VIPR2: variants seen among roughly 807,000 people sequenced by gnomAD.
VIPR2 encodes the protein vasoactive intestinal peptide receptor 2.
A neutral mutation model predicts 58.0 loss-of-function variants in VIPR2; 48 were observed. The observed-to-expected ratio is 0.83, with a 90% CI of 0.66 to 1.05. The LOEUF is 1.05. VIPR2 is among the 50% of genes least tolerant of loss of function. The pLI is 0.00. For synonymous variants in VIPR2, 243 were observed against 235.2 expected, an observed-to-expected ratio of 1.03 and a Z score of -0.30; for missense variants, 534 against 558.0, an observed-to-expected ratio of 0.96 and a Z score of 0.43.
At chr7:159,059,899 A>AC (rs1585384773) in intron 4 of VIPR2, among the ~76,000 whole-genome samples, 1 of 149,252 alleles carries the variant, frequency 6.7e-6, no homozygotes, top group East Asian at 2.0e-4. Flanking sequence ...ACCTCATCTA[A>AC]CCTCCATTCT....
intron 10 of VIPR2, 138 bp downstream of exon 10, chr7:159,034,074 GC>G: frequency 1.3e-6 from 1 of 762,390 alleles, no homozygotes; most frequent in Admixed American, 2.5e-5. Context: ...CAGGAGCAGA[GC>G]CCTGGGGCCC....
At position 159,096,712 on chromosome 7, in the gene VIPR2, C is replaced by T; in HGVS notation, c.357+7045G>A. 7.4e-7 allele frequency: 1 copy of T among 1,349,866 alleles called. No homozygotes were observed. The highest frequency in any genetic ancestry group is 3.0e-5 in the Admixed American group (1 of 33,740). The allele number at this position is 1,349,866 out of a possible 1,614,324, so 83.6% of individuals were successfully genotyped here. A position where few individuals can be genotyped will look rare whatever the true frequency, so the allele number is the denominator to read the frequency against. ...TAAACAGCAGAAAAGTGCTCATAAT[C>T]CTGTCTGGTTGTGCCAGGTGACAGC... On this transcript the variant is annotated intron_variant, in intron 4 of 12. Transcript: ENST00000262178. This position sits in a 1 kb window ranked among gnomAD's most constrained non-coding sequence, Gnocchi z 5.5.
At chr7:159,035,845 A>G in intron 8 of VIPR2, 107 bp downstream of exon 8, 1 of 1,479,206 alleles carries the variant, frequency 6.8e-7, no homozygotes, top group East Asian at 2.5e-5. Context: ...TTGGCCGCAA[A>G]CGCTCCCTGT....
Position 159,096,060 on chromosome 7 carries a change from C to T in VIPR2, c.357+7697G>A, listed in dbSNP as rs1316279829. On this transcript the variant is annotated intron_variant, in intron 4 of 12. Coordinates refer to ENST00000262178, the MANE Select transcript of VIPR2 (RefSeq NM_003382.5). The surrounding 1 kb of genome is among the most constrained non-coding windows in gnomAD (Gnocchi z 5.5). ...CCCCTGCCCCACCCACCTGTGGAGC[C>T]CAAGAGCCAGCTGCTGGGTGCCCAA... 6.6e-6 allele frequency among the ~76,000 whole-genome samples: 1 copy of T among 152,086 alleles called. No homozygotes were observed. The highest frequency in any genetic ancestry group is 1.5e-5 in the Non-Finnish European group (1 of 68,018).
rs553507348 is a variant in VIPR2 at position 159,096,388 on chromosome 7, C to T, written c.357+7369G>A. 6.6e-6 allele frequency among the ~76,000 whole-genome samples: 1 copy of T among 152,360 alleles called. No homozygotes were observed. The highest frequency in any genetic ancestry group is 6.5e-5 in the Admixed American group (1 of 15,308). ...AAGCGCCTGGCGCACCGCTGTGTTT[C>T]CTACAGGTCCGCTGCCCTGTGCTGC... On this transcript the variant is annotated intron_variant, in intron 4 of 12. Coordinates refer to ENST00000262178, the MANE Select transcript of VIPR2 (RefSeq NM_003382.5). The surrounding 1 kb of genome is among the most constrained non-coding windows in gnomAD (Gnocchi z 5.5).
At chr7:159,069,827 C>T (rs1856288798) in intron 4 of VIPR2, among the ~76,000 whole-genome samples, 1 of 152,170 alleles carries the variant, frequency 6.6e-6, no homozygotes, top group African/African-American at 2.4e-5. Flanking sequence ...TTTTAAAAAA[C>T]ATTTTAAATG....
rs188120758 is a variant in VIPR2, at chr7:159,037,700, A to G, written c.598-798T>C. On this transcript the variant is annotated intron_variant, in intron 6 of 12. Transcript: ENST00000262178. ...CTGGGAAAGAATTGCATTATTATAT[A>G]AAATCCATCTATTTTAATCTCTCAG... 1.1e-3 allele frequency among the ~76,000 whole-genome samples: 164 copies of G among 152,332 alleles called. 1 individual carries two copies. The highest frequency in any genetic ancestry group is 3.8e-3 in the African/African-American group (159 of 41,566).
intron 2 of VIPR2, among the ~76,000 whole-genome samples, chr7:159,114,656 T>A (rs1796167323): frequency 6.6e-6 from 1 of 152,034 alleles, no homozygotes; most frequent in Non-Finnish European, 1.5e-5. Flanking sequence ...ATAGCAAGCA[T>A]TAAGCCAGGC....
At chr7:159,109,212 C>T (rs1795891980) in intron 3 of VIPR2, among the ~76,000 whole-genome samples, 1 of 152,194 alleles carries the variant, frequency 6.6e-6, no homozygotes, top group Non-Finnish European at 1.5e-5. Context: ...CAAAAACAAA[C>T]AAAACCTTTC....
At chr7:159,067,709 T>G (rs73730128) in intron 4 of VIPR2, among the ~76,000 whole-genome samples, 1 of 151,976 alleles carries the variant, frequency 6.6e-6, no homozygotes, top group African/African-American at 2.4e-5. Context: ...TTCCAGGGAG[T>G]GGCTCGGTCA....
At chr7:159,122,633 C>T (rs1418387185) in intron 2 of VIPR2, among the ~76,000 whole-genome samples, 1 of 152,182 alleles carries the variant, frequency 6.6e-6, no homozygotes, top group East Asian at 1.9e-4. Flanking sequence ...GCAGGGCACA[C>T]CTGTGAGTCT....
rs372811065 is a variant in VIPR2, at chr7:159,132,855, T to C, written c.151+9591A>G. ...TGAGACAGAATGATTGGCATACCGA[T>C]TGATTTTAGACAGAATGATTGGCAT... On this transcript the variant is annotated intron_variant, in intron 2 of 12. Coordinates refer to ENST00000262178, the MANE Select transcript of VIPR2 (RefSeq NM_003382.5). Among the ~76,000 whole-genome samples the C allele has an allele frequency of 7.6e-4, 89 of 117,800 alleles. 2 individuals carry two copies. The highest frequency in any genetic ancestry group is 2.2e-3 in the African/African-American group (66 of 30,630). The allele number at this position is 117,800 out of a possible 152,430, so 77.3% of individuals were successfully genotyped here.
chr7:159,057,318 T>A (rs1363443508), intron 5 of VIPR2, among the ~76,000 whole-genome samples: 1 of 152,182 alleles, frequency 6.6e-6, no homozygotes, highest in Non-Finnish European at 1.5e-5. Flanking sequence ...TTGTACCAGA[T>A]TTTAAAAATA....
At chr7:159,119,884 T>TCGGAAGAAA in intron 2 of VIPR2, among the ~76,000 whole-genome samples, 1 of 148,150 alleles carries the variant, frequency 6.7e-6, no homozygotes, top group Non-Finnish European at 1.5e-5. Context: ...GTAGGTGGGG[T>TCGGAAGAAA]TGGAAGAAAC....
chr7:159,044,352 A>G (rs1465433373), intron 5 of VIPR2, among the ~76,000 whole-genome samples: 1 of 152,188 alleles, frequency 6.6e-6, no homozygotes. Context: ...CAAATCCTAG[A>G]AGTGGGAGAC....
At chr7:159,134,529 C>A (rs1797114748) in intron 2 of VIPR2, among the ~76,000 whole-genome samples, 1 of 152,018 alleles carries the variant, frequency 6.6e-6, no homozygotes, top group Admixed American at 6.6e-5. Context: ...TGTAGAAAGT[C>A]TGACAAAAGA....
chr7:159,030,551 C>A lies in VIPR2; in HGVS notation c.*65G>T, dbSNP rs191985337. 6.9e-4 allele frequency: 1,012 copies of A among 1,457,406 alleles called. 3 individuals are homozygous for A. The highest frequency in any genetic ancestry group is 5.6e-3 in the African/African-American group (387 of 69,538). 90.3% of individuals were successfully genotyped at this position (1,457,406 alleles called of 1,614,324 possible). A position where few individuals can be genotyped will look rare whatever the true frequency, so the allele number is the denominator to read the frequency against. The stretch of plus-strand genomic sequence containing the variant: ...CGGGCATCTGGAAGGAGGAAGCCGG[C>A]GTCTCAGCCCCGCAGAAGCCCCGAA... On this transcript the variant is annotated 3_prime_UTR_variant, in exon 13 of 13. Transcript: ENST00000262178.
chr7:159,037,149 C>G (rs1854018807), intron 6 of VIPR2, among the ~76,000 whole-genome samples: 1 of 152,214 alleles, frequency 6.6e-6, no homozygotes, highest in Non-Finnish European at 1.5e-5. Context: ...CTGTGAACAG[C>G]ACTGCCTGAG....
intron 4 of VIPR2, chr7:159,059,151 G>T: frequency 4.3e-6 from 2 of 460,452 alleles, no homozygotes; most frequent in Non-Finnish European, 9.0e-6. Flanking sequence ...AAATCATCAG[G>T]TACAGGAGGG....
Sources: gnomAD v4.1 joint callset for allele counts (sites outside exome capture counted in the v4.1 genomes callset) on GRCh38, gnomAD v4.1.1 for gene constraint, Gnocchi (gnomAD v3.1) non-coding constraint, MANE v1.5 for transcripts, NCBI Gene and HGNC (gene_info 2026-07-23, HGNC 2026-07-21) for gene names.